The following ZNF385D variants were observed in gnomAD, a reference collection of about 807,000 sequenced individuals.
ZNF385D encodes zinc finger protein 659.
In ZNF385D, 15 loss-of-function variants were observed where a neutral mutation model predicts 35.8. That is an observed-to-expected ratio of 0.42 (90% CI 0.28 to 0.64). The LOEUF is 0.64. ZNF385D is among the 30% of genes least tolerant of loss of function. The pLI, the probability that ZNF385D is intolerant of heterozygous loss-of-function variation, is 0.23. For synonymous variants in ZNF385D, 212 were observed against 186.8 expected, an observed-to-expected ratio of 1.13 and a Z score of -1.10; for missense variants, 474 against 494.6, an observed-to-expected ratio of 0.96 and a Z score of 0.39.
chr3:21,899,775 A>G (rs1699309478), intron 3 of ZNF385D, among the ~76,000 whole-genome samples: 1 of 152,094 alleles, frequency 6.6e-6, no homozygotes, highest in Non-Finnish European at 1.5e-5. Flanking sequence ...CTAAAGTTTT[A>G]TTGCTTTATA....
At chr3:21,640,919 C>T (rs960963883) in intron 2 of ZNF385D, among the ~76,000 whole-genome samples, 1 of 152,064 alleles carries the variant, frequency 6.6e-6, no homozygotes, top group African/African-American at 2.4e-5. Flanking sequence ...TTTGTGACTG[C>T]ACATGTGAGA....
intron 2 of ZNF385D, among the ~76,000 whole-genome samples, chr3:22,192,858 A>C (rs1056263373): frequency 2.6e-5 from 4 of 152,158 alleles, no homozygotes; most frequent in Admixed American, 2.0e-4. Context: ...GCACTGGGTT[A>C]AAGTTTTCTC....
At chr3:22,150,002 TCA>T (rs1031982550) in intron 3 of ZNF385D, among the ~76,000 whole-genome samples, 2 of 152,174 alleles carry the variant, frequency 1.3e-5, no homozygotes, top group African/African-American at 4.8e-5. Context: ...TCCAAATAAC[TCA>T]GTTATTTCAG....
chr3:21,803,819 A>C (rs2072515668), intron 3 of ZNF385D, among the ~76,000 whole-genome samples: 1 of 152,214 alleles, frequency 6.6e-6, no homozygotes, highest in South Asian at 2.1e-4. Flanking sequence ...AGTATCTTGG[A>C]AAGCAAACTG....
intron 2 of ZNF385D, among the ~76,000 whole-genome samples, chr3:22,181,697 C>CA (rs71620745): frequency 0.025 from 2,091 of 83,428 alleles, 38 homozygotes; most frequent in African/African-American, 0.044. Context: ...GACTCCGTCT[C>CA]AAAAAAAAAA....
At chr3:22,317,187 G>C (rs144774659) in intron 2 of ZNF385D, among the ~76,000 whole-genome samples, 4 of 128,728 alleles carry the variant, frequency 3.1e-5, no homozygotes, top group Non-Finnish European at 6.2e-5. Flanking sequence ...TGGGGCAGAA[G>C]AATCACTTGA....
intron 2 of ZNF385D, among the ~76,000 whole-genome samples, chr3:22,283,515 T>A (rs1199800610): frequency 1.3e-5 from 2 of 152,120 alleles, no homozygotes; most frequent in Non-Finnish European, 2.9e-5. Context: ...ATAATTCATG[T>A]CTCTTTCAGT....
intron 3 of ZNF385D, among the ~76,000 whole-genome samples, chr3:21,550,419 A>C (rs1296878436): frequency 1.3e-5 from 2 of 152,182 alleles, no homozygotes; most frequent in Non-Finnish European, 1.5e-5. Flanking sequence ...TAAGACTAAG[A>C]GATATGAATT....
chr3:21,828,257 G>C (rs1694778963), intron 3 of ZNF385D, among the ~76,000 whole-genome samples: 1 of 152,144 alleles, frequency 6.6e-6, no homozygotes, highest in Admixed American at 6.5e-5. Context: ...TGGTCATGTA[G>C]TCACATATAT....
chr3:21,532,681 CA>C (rs58032064), intron 3 of ZNF385D, among the ~76,000 whole-genome samples: 2,683 of 126,780 alleles, frequency 0.021, 35 homozygotes, highest in African/African-American at 0.023. Flanking sequence ...ATAATATTTC[CA>C]AAAAAAAAAA....
chr3:22,023,880 C>T (rs1697371949), intron 3 of ZNF385D, among the ~76,000 whole-genome samples: 1 of 151,952 alleles, frequency 6.6e-6, no homozygotes, highest in Non-Finnish European at 1.5e-5. Flanking sequence ...TTAAAGGACT[C>T]CCTGTATTAG....
chr3:21,985,075 A>G (rs1308496814), intron 3 of ZNF385D, among the ~76,000 whole-genome samples: 3 of 142,356 alleles, frequency 2.1e-5, no homozygotes, highest in Admixed American at 1.4e-4. Flanking sequence ...GGCTGAGACA[A>G]TGGGGTTTTC....
At chr3:21,659,785 A>G (rs1235422665) in intron 2 of ZNF385D, among the ~76,000 whole-genome samples, 1 of 152,094 alleles carries the variant, frequency 6.6e-6, no homozygotes, top group Non-Finnish European at 1.5e-5. Flanking sequence ...AAATTTTTAA[A>G]AACCCCACTG....
Position 21,417,211 on chromosome 3 carries a change from A to T in ZNF385D, c.*4003T>A, listed in dbSNP as rs1700574572. ...ATAAAGAATTTTTATTCCTGAGAGG[A>T]TAAAAGCAATGCCCCTCTAGTGCTG... On this transcript the variant is annotated 3_prime_UTR_variant, in exon 8 of 8. Transcript: ENST00000281523. 1.3e-5 allele frequency: 2 copies of T among 152,124 alleles called. No homozygotes were observed. The highest frequency in any genetic ancestry group is 1.3e-4 in the Admixed American group (2 of 15,272). 9.4% of individuals were successfully genotyped at this position (152,124 alleles called of 1,614,324 possible).
At chr3:22,238,169 T>C (rs1699295802) in intron 2 of ZNF385D, among the ~76,000 whole-genome samples, 1 of 151,224 alleles carries the variant, frequency 6.6e-6, no homozygotes, top group Non-Finnish European at 1.5e-5. Context: ...TCTACATATC[T>C]ATCCTTATGC....
intron 3 of ZNF385D, among the ~76,000 whole-genome samples, chr3:22,116,970 G>C (rs1702844249): frequency 6.6e-6 from 1 of 151,888 alleles, no homozygotes; most frequent in Non-Finnish European, 1.5e-5. Flanking sequence ...GTTAAAATTT[G>C]TTACCCTCTT....
chr3:21,551,913 A>T (rs1235991100), intron 3 of ZNF385D, among the ~76,000 whole-genome samples: 2 of 152,152 alleles, frequency 1.3e-5, no homozygotes, highest in African/African-American at 4.8e-5. Context: ...AGGAAGGGTT[A>T]AAAAAATATA....
chr3:22,050,472 G>C (rs1360597417), intron 3 of ZNF385D, among the ~76,000 whole-genome samples: 1 of 152,082 alleles, frequency 6.6e-6, no homozygotes. Flanking sequence ...ATCAGATCCT[G>C]GGCTTTCCTT....
intron 2 of ZNF385D, among the ~76,000 whole-genome samples, chr3:22,280,367 T>C (rs929397437): frequency 8.1e-6 from 1 of 123,298 alleles, no homozygotes; most frequent in Non-Finnish European, 1.6e-5. Flanking sequence ...TCTAGAAGGG[T>C]TTTTTTTTTT....
Sources: allele counts gnomAD v4.1 joint callset (sites outside exome capture counted in the v4.1 genomes callset), GRCh38; gene constraint gnomAD v4.1.1; transcripts MANE v1.5; gene names NCBI Gene and HGNC (gene_info 2026-07-23, HGNC 2026-07-21).